The following PPEF1 variants were observed in gnomAD, a reference collection of about 807,000 sequenced individuals.
PPEF1 encodes serine/threonine-protein phosphatase with EF-hands 1.
PPEF1 carries 12 observed loss-of-function variants against 53.3 expected under a neutral mutation model. That is an observed-to-expected ratio of 0.23 (90% CI 0.14 to 0.36). The LOEUF is 0.36. PPEF1 is among the 10% of genes least tolerant of loss of function. The probability of loss-of-function intolerance (pLI) is 1.00; values close to 1 mark genes in which losing one functional copy is unlikely to be tolerated. For missense variants in PPEF1, 334 were observed against 490.4 expected (o/e 0.68, Z 3.01); for synonymous variants, 165 against 176.7 (o/e 0.93, Z 0.52).
At chrX:18,802,365 C>T (rs1162268353) in intron 10 of PPEF1, among the ~76,000 whole-genome samples, 2 of 111,556 alleles carry the variant, frequency 1.8e-5, no homozygotes, top group African/African-American at 6.5e-5. Flanking sequence ...AGCCACTGTG[C>T]CTGGCAGAAA....
chrX:18,792,257 T>C (rs1192630496), intron 10 of PPEF1, among the ~76,000 whole-genome samples: 1 of 112,496 alleles, frequency 8.9e-6, no homozygotes, highest in Non-Finnish European at 1.9e-5. Context: ...ATTTTAATTC[T>C]TCAAATGTTT....
intron 6 of PPEF1, among the ~76,000 whole-genome samples, chrX:18,777,446 T>A (rs2045988479): frequency 8.9e-6 from 1 of 112,950 alleles, no homozygotes; most frequent in African/African-American, 3.2e-5. Context: ...AAGATTAATA[T>A]TTCTAGAATA....
intron 2 of PPEF1, among the ~76,000 whole-genome samples, 165 bp from the exon 3 acceptor site, chrX:18,733,583 A>T (rs756542639): frequency 5.0e-4 from 56 of 112,036 alleles, no homozygotes; most frequent in African/African-American, 1.8e-3. Context: ...CTCTGGATGC[A>T]GGCAGTCCTC....
intron 4 of PPEF1, chrX:18,691,149 T>A (rs1350508512): frequency 8.9e-6 from 1 of 111,982 alleles, no homozygotes; most frequent in East Asian, 2.8e-4. Flanking sequence ...CGGGTAGGCA[T>A]GGGACAATGA....
upstream of PPEF1, among the ~76,000 whole-genome samples, chrX:18,679,983 G>A (rs1602332082): frequency 9.2e-6 from 1 of 109,134 alleles, no homozygotes; most frequent in East Asian, 2.9e-4. Context: ...CAGCTACTTG[G>A]GAGGCTAAGA....
chrX:18,802,068 T>G (rs1256493043), intron 10 of PPEF1, among the ~76,000 whole-genome samples: 1 of 110,028 alleles, frequency 9.1e-6, no homozygotes, highest in Non-Finnish European at 1.9e-5. Context: ...TGAAAAATAT[T>G]ATTTTGTTTT....
At chrX:18,754,399 T>C (rs1177411932) in intron 4 of PPEF1, among the ~76,000 whole-genome samples, 1 of 111,114 alleles carries the variant, frequency 9.0e-6, no homozygotes. Flanking sequence ...GTTAGGACCC[T>C]AAAGGGCATA....
At chrX:18,727,782 C>T (rs1452221604) in intron 1 of PPEF1, among the ~76,000 whole-genome samples, 1 of 111,256 alleles carries the variant, frequency 9.0e-6, no homozygotes, top group Non-Finnish European at 1.9e-5. Flanking sequence ...CATTATTTTA[C>T]TAGAGCAGCT....
At chrX:18,748,932 A>G (rs980302612) in intron 3 of PPEF1, among the ~76,000 whole-genome samples, 1 of 111,905 alleles carries the variant, frequency 8.9e-6, no homozygotes, top group Non-Finnish European at 1.9e-5. Context: ...GGGGAAACAC[A>G]CTCTTGACGG....
At chrX:18,681,433 G>C (rs1054932269), upstream of PPEF1, among the ~76,000 whole-genome samples, 22 of 112,078 alleles carry the variant, frequency 2.0e-4, no homozygotes, top group African/African-American at 7.1e-4. Flanking sequence ...TAAGTGCTCA[G>C]TGAATATGTC....
intron 1 of PPEF1, 47 bp downstream of exon 1, chrX:18,707,873 T>C: frequency 9.1e-7 from 1 of 1,098,388 alleles, no homozygotes; most frequent in Non-Finnish European, 1.3e-6. Flanking sequence ...AAGGGGAAAA[T>C]GAGCTGCCCT....
chrX:18,802,628 G>A (rs1454781552), intron 10 of PPEF1, among the ~76,000 whole-genome samples: 4 of 111,950 alleles, frequency 3.6e-5, no homozygotes, highest in Non-Finnish European at 7.5e-5. Flanking sequence ...GAAACAGCAA[G>A]GGCTTCCTCA....
At chrX:18,777,676 C>T (rs1469584357) in intron 6 of PPEF1, among the ~76,000 whole-genome samples, 5 of 109,352 alleles carry the variant, frequency 4.6e-5, no homozygotes, top group Non-Finnish European at 7.6e-5. Context: ...CCTGCCATCA[C>T]GCCCGGAGAA....
chrX:18,677,484 C>T (rs1443520612), intron 1 of PPEF1, among the ~76,000 whole-genome samples: 2 of 111,954 alleles, frequency 1.8e-5, no homozygotes, highest in African/African-American at 6.5e-5. Flanking sequence ...AAGAACACAT[C>T]CAAGCTGACT....
chrX:18,692,124 A>G (rs1401501727), intron 4 of PPEF1, among the ~76,000 whole-genome samples: 1 of 110,445 alleles, frequency 9.1e-6, no homozygotes, highest in Non-Finnish European at 1.9e-5. Flanking sequence ...ATTTAATCTG[A>G]CTCTCTGGTC....
At chrX:18,765,638 A>G (rs1736949095) in intron 6 of PPEF1, among the ~76,000 whole-genome samples, 2 of 112,016 alleles carry the variant, frequency 1.8e-5, no homozygotes, top group Admixed American at 9.5e-5. Context: ...ATGATAAAGC[A>G]ATGGGGAAAA....
chrX:18,818,935 T>C lies in PPEF1; in HGVS notation c.1501+790T>C, dbSNP rs541832000. ...TCAATTCTGAGACTAAATTATAATA[T>C]AGTAGGAAGATGGAAAAGCTGAATT... On this transcript the variant is annotated intron_variant, in intron 13 of 15. Transcript: ENST00000470157. 2.6e-4 allele frequency among the ~76,000 whole-genome samples: 29 copies of C among 111,809 alleles called. No individual in the cohort carries two copies. The South Asian group carries it at 3.7e-3, about 14-fold the overall frequency.
At position 18,721,597 on chromosome X, in the gene PPEF1, G is replaced by A. The variant is rs143033139; in HGVS notation, c.47-8584G>A. Among the ~76,000 whole-genome samples the A allele has an allele frequency of 6.8e-3, 757 of 111,706 alleles. 11 individuals carry two copies. The highest frequency in any genetic ancestry group is 0.022 in the African/African-American group (686 of 30,767). ...GTTCTCATTGTTTACATGAGAAACT[G>A]AGGACCTCGGAGTTTCGTTGATTTG... On this transcript the variant is annotated intron_variant, in intron 1 of 15. Coordinates refer to ENST00000470157, the MANE Select transcript of PPEF1 (RefSeq NM_001377996.1).
At chrX:18,772,913 G>A (rs2045897020) in intron 6 of PPEF1, among the ~76,000 whole-genome samples, 1 of 113,007 alleles carries the variant, frequency 8.8e-6, no homozygotes, top group Non-Finnish European at 1.9e-5. Flanking sequence ...CCACAAGGCT[G>A]CCTGATTCTT....
Sources: gnomAD v4.1 joint callset for allele counts (sites outside exome capture counted in the v4.1 genomes callset) on GRCh38, gnomAD v4.1.1 for gene constraint, MANE v1.5 for transcripts, NCBI Gene and HGNC (gene_info 2026-07-23, HGNC 2026-07-21) for gene names.